Variants in PLPPR1 observed in about 807,000 individuals in gnomAD.
PLPPR1 encodes the protein phospholipid phosphatase-related protein type 1.
A neutral mutation model predicts 33.1 loss-of-function variants in PLPPR1; 10 were observed. The observed-to-expected ratio is 0.30, with a 90% CI of 0.19 to 0.51. The LOEUF is 0.51. Ranked by LOEUF, PLPPR1 falls within the 20% of genes least tolerant of loss-of-function variation. The probability of loss-of-function intolerance (pLI) is 0.97; values close to 1 mark genes in which losing one functional copy is unlikely to be tolerated. For missense variants in PLPPR1, 304 were observed against 408.1 expected (o/e 0.74, Z 2.20); for synonymous variants, 151 against 151.0 (o/e 1.00, Z 0.00).
rs141258329 is a variant in PLPPR1 at position 101,061,781 on chromosome 9, A to G, written c.-46+32679A>G. Among the ~76,000 whole-genome samples the G allele has an allele frequency of 3.2e-4, 48 of 152,138 alleles. No individual in the cohort carries two copies. In the East Asian group the frequency reaches 5.8e-3, roughly 18 times the overall value. ...ACTGGCACATAGCAGATACAGGTTA[A>G]TATTTATGGAATAAATGAACAAATA... On this transcript the variant is annotated intron_variant, in intron 1 of 7. Transcript: ENST00000374874.
At chr9:101,234,557 A>C (rs1564009911) in intron 2 of PLPPR1, among the ~76,000 whole-genome samples, 1 of 151,968 alleles carries the variant, frequency 6.6e-6, no homozygotes, top group African/African-American at 2.4e-5. Context: ...TTTTAAAAAA[A>C]AAACAAACAA....
intron 3 of PLPPR1, among the ~76,000 whole-genome samples, chr9:101,273,741 CTTTTATAT>C (rs1357363697): frequency 5.3e-5 from 8 of 152,134 alleles, no homozygotes; most frequent in Non-Finnish European, 1.0e-4. Flanking sequence ...TTCATTTATA[CTTTTATAT>C]ATTTCTTTCC....
intron 1 of PLPPR1, among the ~76,000 whole-genome samples, chr9:101,137,181 T>C (rs183423631): frequency 3.9e-4 from 59 of 152,228 alleles, no homozygotes; most frequent in Non-Finnish European, 5.0e-4. Flanking sequence ...GTTCCTTAAG[T>C]CTTAAGAGCA....
chr9:101,157,843 A>C (rs2118664836), intron 1 of PLPPR1, among the ~76,000 whole-genome samples: 1 of 152,176 alleles, frequency 6.6e-6, no homozygotes, highest in East Asian at 1.9e-4. Context: ...TCTATTAAAA[A>C]AAAATTAAAA....
At chr9:101,062,439 T>A (rs1351422880) in intron 1 of PLPPR1, among the ~76,000 whole-genome samples, 2 of 152,072 alleles carry the variant, frequency 1.3e-5, no homozygotes, top group African/African-American at 4.8e-5. Flanking sequence ...TTAATATTGG[T>A]AGACCTGAGT....
At chr9:101,079,913 T>TCC (rs1830597884) in intron 1 of PLPPR1, among the ~76,000 whole-genome samples, 4 of 152,192 alleles carry the variant, frequency 2.6e-5, no homozygotes, top group African/African-American at 9.7e-5. Flanking sequence ...CCTATTTTTT[T>TCC]CTCATTCTGG....
intron 1 of PLPPR1, among the ~76,000 whole-genome samples, chr9:101,048,837 G>T (rs1830183960): frequency 6.7e-6 from 1 of 149,562 alleles, no homozygotes; most frequent in Non-Finnish European, 1.5e-5. Flanking sequence ...ACAGGAAAAG[G>T]GTAGCATGCC....
intron 1 of PLPPR1, among the ~76,000 whole-genome samples, chr9:101,071,480 C>T (rs1385594051): frequency 6.6e-6 from 1 of 152,064 alleles, no homozygotes; most frequent in Non-Finnish European, 1.5e-5. Context: ...AATGAAGTAC[C>T]CACTACGTGC....
At chr9:101,075,582 T>G (rs558436986) in intron 1 of PLPPR1, among the ~76,000 whole-genome samples, 1 of 152,338 alleles carries the variant, frequency 6.6e-6, no homozygotes, top group South Asian at 2.1e-4. Context: ...AAAAGCTCTC[T>G]TGTGACTAGA....
intron 3 of PLPPR1, among the ~76,000 whole-genome samples, chr9:101,283,855 T>G (rs1828343683): frequency 2.7e-5 from 4 of 150,938 alleles, no homozygotes; most frequent in Admixed American, 2.6e-4. Context: ...AAAAGACAAA[T>G]GGCCAACAAA....
intron 1 of PLPPR1, among the ~76,000 whole-genome samples, chr9:101,107,972 T>C (rs540398209): frequency 9.3e-5 from 14 of 150,524 alleles, no homozygotes; most frequent in African/African-American, 3.2e-4. Flanking sequence ...CCCCTTGCGC[T>C]TCCCAGGTGA....
chr9:101,044,169 A>AAAACAAAC (rs562225466), intron 1 of PLPPR1, among the ~76,000 whole-genome samples: 1 of 152,218 alleles, frequency 6.6e-6, no homozygotes, highest in Non-Finnish European at 1.5e-5. Flanking sequence ...ATTAGCAAGA[A>AAAACAAAC]AAACAAACAA....
chr9:101,140,155 C>T (rs1421017539), intron 1 of PLPPR1, among the ~76,000 whole-genome samples: 1 of 152,180 alleles, frequency 6.6e-6, no homozygotes, highest in Non-Finnish European at 1.5e-5. Flanking sequence ...TCTCTACTCC[C>T]CACTTTGTGT....
chr9:101,109,919 C>A (rs4612402), intron 1 of PLPPR1, among the ~76,000 whole-genome samples: 4,950 of 152,154 alleles, frequency 0.033, 101 homozygotes, highest in East Asian at 0.085. Context: ...ATACAAATGG[C>A]CATTGTGTGG....
rs116455598 is a variant in PLPPR1 at position 101,279,387 on chromosome 9, A to G, written c.253-6717A>G. On this transcript the variant is annotated intron_variant, in intron 3 of 7. Coordinates refer to ENST00000374874, the MANE Select transcript of PLPPR1 (RefSeq NM_207299.2). ...GACCTCAATGCAAAAATAGCTGGTG[A>G]TTTCAACACCCCACTTTCAGCATTG... 5.7e-3 allele frequency among the ~76,000 whole-genome samples: 865 copies of G among 152,338 alleles called. 10 individuals carry two copies. The highest frequency in any genetic ancestry group is 0.019 in the African/African-American group (809 of 41,580).
Position 101,179,615 on chromosome 9 carries a change from AC to A in PLPPR1, c.-45-5834del, listed in dbSNP as rs1404744804. Among the ~76,000 whole-genome samples, 9 of 152,156 alleles carry A rather than the reference AC, an allele frequency of 5.9e-5. No homozygotes were observed. The East Asian group carries it at 1.7e-3, about 29-fold the overall frequency. Reference sequence around the variant, plus strand: ...CAGTTGTATGAAGGGTAGTTGTATTACATTAGACATAATTATGACCTTATTA... The same window carrying A: ...CAGTTGTATGAAGGGTAGTTGTATTAATTAGACATAATTATGACCTTATTA... On this transcript the variant is annotated intron_variant, in intron 1 of 7. Coordinates refer to ENST00000374874, the MANE Select transcript of PLPPR1 (RefSeq NM_207299.2).
chr9:101,066,969 A>G (rs1272280576), intron 1 of PLPPR1, among the ~76,000 whole-genome samples: 1 of 152,066 alleles, frequency 6.6e-6, no homozygotes, highest in Non-Finnish European at 1.5e-5. Context: ...TAGTTACACA[A>G]GATGAAAAAA....
At chr9:101,219,237 G>A (rs377542853) in intron 2 of PLPPR1, among the ~76,000 whole-genome samples, 46 of 152,314 alleles carry the variant, frequency 3.0e-4, no homozygotes, top group South Asian at 1.7e-3. Context: ...TAGATGGTCC[G>A]TGGAGGTTCG....
intron 1 of PLPPR1, among the ~76,000 whole-genome samples, chr9:101,106,279 G>A (rs1167970154): frequency 7.3e-6 from 1 of 136,404 alleles, no homozygotes; most frequent in South Asian, 2.8e-4. Flanking sequence ...TTTTGCAGCG[G>A]CTGGTACCGG....
Sources: allele counts gnomAD v4.1 joint callset (sites outside exome capture counted in the v4.1 genomes callset), GRCh38; gene constraint gnomAD v4.1.1; transcripts MANE v1.5; gene names NCBI Gene and HGNC (gene_info 2026-07-23, HGNC 2026-07-21).